SAMD5: variants seen among roughly 807,000 people sequenced by gnomAD.
SAMD5 encodes sterile alpha motif domain-containing protein 5.
In SAMD5, 13 loss-of-function variants were observed where a neutral mutation model predicts 11.3. The ratio of observed to expected loss-of-function variants is 1.15; its 90% CI spans 0.75 to 1.83. The LOEUF is 1.83. SAMD5 is among the 40% of genes most tolerant of loss of function. SAMD5 has a pLI of 0.00. For missense variants in SAMD5, 255 were observed against 239.1 expected (o/e 1.07, Z -0.44); for synonymous variants, 129 against 111.3 (o/e 1.16, Z -1.00).
At chr6:147,623,594 G>A (rs1245512266) in intron 1 of SAMD5, among the ~76,000 whole-genome samples, 1 of 152,090 alleles carries the variant, frequency 6.6e-6, no homozygotes, top group Non-Finnish European at 1.5e-5. Context: ...ATTCATTGAA[G>A]GAAATAATAT....
the SAMD5 span, among the ~76,000 whole-genome samples, chr6:147,889,585 A>G: frequency 1.3e-5 from 2 of 152,226 alleles, no homozygotes; most frequent in African/African-American, 2.4e-5. Context: ...ATTCCTATAA[A>G]TATTCTTGAG....
the SAMD5 span, among the ~76,000 whole-genome samples, chr6:147,942,463 T>C: frequency 2.6e-5 from 4 of 152,244 alleles, no homozygotes; most frequent in Non-Finnish European, 5.9e-5. Flanking sequence ...TGTGTCTAAA[T>C]GCTTTGCTTA....
chr6:147,570,075 T>A (rs748394576), downstream of SAMD5: 29 of 915,704 alleles, frequency 3.2e-5, no homozygotes, highest in Middle Eastern at 5.5e-4. Flanking sequence ...TGTGATGGAG[T>A]TTGTGCATTG....
chr6:147,580,250 T>A (rs193211193), intron 1 of SAMD5, among the ~76,000 whole-genome samples: 116 of 152,294 alleles, frequency 7.6e-4, no homozygotes, highest in African/African-American at 2.5e-3. Flanking sequence ...CCAGAGAATG[T>A]TAATGTCAAG....
At chr6:147,519,560 C>A (rs1417905516) in intron 1 of SAMD5, among the ~76,000 whole-genome samples, 3 of 152,142 alleles carry the variant, frequency 2.0e-5, no homozygotes, top group African/African-American at 7.2e-5. Flanking sequence ...AATAAAAGAA[C>A]TAAAGTATCT....
chr6:147,879,059 A>G, the SAMD5 span, among the ~76,000 whole-genome samples: 1 of 152,234 alleles, frequency 6.6e-6, no homozygotes, highest in South Asian at 2.1e-4. Flanking sequence ...TTGAATCCTC[A>G]CTGCGATACC....
At chr6:147,583,135 C>G (rs981478925) in intron 1 of SAMD5, among the ~76,000 whole-genome samples, 14 of 152,200 alleles carry the variant, frequency 9.2e-5, no homozygotes, top group African/African-American at 3.4e-4. Context: ...TACACATAGA[C>G]ATTTCATTCT....
At chr6:147,652,630 T>C (rs1191045435) in intron 1 of SAMD5, among the ~76,000 whole-genome samples, 2 of 152,186 alleles carry the variant, frequency 1.3e-5, no homozygotes, top group Admixed American at 1.3e-4. Flanking sequence ...TCATCTCGGA[T>C]CCCTATGTAT....
At chr6:147,522,992 T>C (rs1031972292) in intron 1 of SAMD5, among the ~76,000 whole-genome samples, 1 of 152,198 alleles carries the variant, frequency 6.6e-6, no homozygotes, top group Middle Eastern at 3.2e-3. Context: ...GAGGGGCTTT[T>C]TTTCTCAGTA....
chr6:147,634,201 G>GT lies in SAMD5; in HGVS notation c.163-103113dup, dbSNP rs570579289. ...ACTGGGTAACGTATAAAGAAAAGAGGTTTATTGACTCACAGTTCTGCAGGC... is the reference window on the plus strand; with the variant it reads ...ACTGGGTAACGTATAAAGAAAAGAGGTTTTATTGACTCACAGTTCTGCAGGC... On this transcript the variant is annotated intron_variant, in intron 1 of 1. Coordinates refer to the SAMD5 transcript ENST00000566741. 1.1e-4 allele frequency among the ~76,000 whole-genome samples: 17 copies of GT among 152,284 alleles called. No individual in the cohort carries two copies. The South Asian group carries it at 3.1e-3, about 28-fold the overall frequency.
the SAMD5 span, among the ~76,000 whole-genome samples, chr6:147,893,866 G>A: frequency 6.6e-6 from 1 of 152,136 alleles, no homozygotes; most frequent in Non-Finnish European, 1.5e-5. Context: ...CTTTTCTCTA[G>A]ATGTAAGTTT....
chr6:147,647,014 TAAA>T (rs1554240088), intron 1 of SAMD5, among the ~76,000 whole-genome samples: 1 of 128,526 alleles, frequency 7.8e-6, no homozygotes, highest in African/African-American at 3.0e-5. Flanking sequence ...ATAATAATAA[TAAA>T]ATAGCTGGCC....
intron 1 of SAMD5, among the ~76,000 whole-genome samples, chr6:147,527,296 G>C (rs956018977): frequency 1.1e-4 from 16 of 152,182 alleles, no homozygotes; most frequent in Non-Finnish European, 2.1e-4. Flanking sequence ...GGAGGCCTCA[G>C]AGAGCTTTTA....
At chr6:147,689,811 A>T (rs578213731) in intron 1 of SAMD5, among the ~76,000 whole-genome samples, 2 of 152,318 alleles carry the variant, frequency 1.3e-5, no homozygotes, top group African/African-American at 4.8e-5. Context: ...GTGGGGTGGG[A>T]TATGGCAGAT....
chr6:147,869,293 G>A, the SAMD5 span, among the ~76,000 whole-genome samples: 1 of 152,224 alleles, frequency 6.6e-6, no homozygotes, highest in Non-Finnish European at 1.5e-5. Context: ...CCAGATATCT[G>A]CAGCTTTCTG....
the SAMD5 span, among the ~76,000 whole-genome samples, chr6:147,744,590 G>C: frequency 2.0e-5 from 3 of 152,134 alleles, no homozygotes; most frequent in African/African-American, 7.2e-5. Flanking sequence ...AGGAAAAGGG[G>C]AAGGCTGTGG....
intron 1 of SAMD5, among the ~76,000 whole-genome samples, chr6:147,722,569 A>G (rs1326302509): frequency 6.6e-6 from 1 of 152,200 alleles, no homozygotes; most frequent in Non-Finnish European, 1.5e-5. Flanking sequence ...TCATTTCCCT[A>G]TATATTTAAT....
At chr6:147,549,385 C>G (rs1268074203) in intron 1 of SAMD5, among the ~76,000 whole-genome samples, 1 of 152,176 alleles carries the variant, frequency 6.6e-6, no homozygotes, top group Non-Finnish European at 1.5e-5. Context: ...CCTGTGGGAA[C>G]TGACTGGCAC....
intron 1 of SAMD5, among the ~76,000 whole-genome samples, chr6:147,655,423 ATATT>A (rs1400363293): frequency 6.6e-6 from 1 of 152,194 alleles, no homozygotes; most frequent in African/African-American, 2.4e-5. Flanking sequence ...TTCTGAAACA[ATATT>A]TATGCATGTA....
Sources: allele counts gnomAD v4.1 joint callset (sites outside exome capture counted in the v4.1 genomes callset), GRCh38; gene constraint gnomAD v4.1.1; transcripts MANE v1.5; gene names NCBI Gene and HGNC (gene_info 2026-07-23, HGNC 2026-07-21).